TDG: variants seen among roughly 807,000 people sequenced by gnomAD.
TDG encodes G/T mismatch-specific thymine DNA glycosylase.
TDG carries 23 observed loss-of-function variants against 46.1 expected under a neutral mutation model. The observed-to-expected ratio is 0.50, with a 90% CI of 0.36 to 0.71. The LOEUF is 0.71. Among genes scored for constraint, TDG ranks in the 30% least tolerant of loss-of-function variants. The pLI is 0.00. For synonymous variants in TDG, 115 were observed against 161.3 expected (o/e 0.71, Z 2.18); for missense variants, 304 against 486.7 (o/e 0.62, Z 3.53).
intron 1 of TDG, chr12:103,967,831 GTT>G (rs67523981): frequency 2.5e-4 from 35 of 142,478 alleles, no homozygotes; most frequent in East Asian, 6.0e-4. Context: ...TTTTTTTTTT[GTT>G]TTTTTTTTTT....
intron 1 of TDG, among the ~76,000 whole-genome samples, chr12:103,976,624 A>G (rs1871557332): frequency 6.6e-6 from 1 of 152,176 alleles, no homozygotes; most frequent in Admixed American, 6.5e-5. Flanking sequence ...ACTCCCTCAA[A>G]TCTTATTTCA....
At position 103,988,613 on chromosome 12, in the gene TDG, T is replaced by C. The variant is rs1452769746; in HGVS notation, c.*1523T>C. Reference sequence around the variant, plus strand: ...GTATTGCTTTGGTATATAACTATTGTAGCTTTACAAGAGATTGTTTTATTT... The same window carrying C: ...GTATTGCTTTGGTATATAACTATTGCAGCTTTACAAGAGATTGTTTTATTT... On this transcript the variant is annotated 3_prime_UTR_variant, in exon 10 of 10. Transcript: ENST00000392872. 2 of 152,860 alleles carry C rather than the reference T, an allele frequency of 1.3e-5. No individual in the cohort carries two copies. The highest frequency in any genetic ancestry group is 2.1e-4 in the South Asian group (1 of 4,834). 9.5% of individuals were successfully genotyped at this position (152,860 alleles called of 1,614,324 possible).
chr12:103,977,167 A>G, intron 2 of TDG, 107 bp downstream of exon 2: 1 of 1,463,898 alleles, frequency 6.8e-7, no homozygotes, highest in South Asian at 1.4e-5. Context: ...AAAAAGTCAA[A>G]TCCACTTTTT....
chr12:103,978,375 CA>C (rs1251697678), intron 2 of TDG, among the ~76,000 whole-genome samples: 2 of 152,078 alleles, frequency 1.3e-5, no homozygotes, highest in African/African-American at 4.8e-5. Context: ...TAATAGGTTC[CA>C]GGGGTGGGAG....
chr12:103,975,462 G>C (rs1871489561), intron 1 of TDG, among the ~76,000 whole-genome samples: 1 of 152,196 alleles, frequency 6.6e-6, no homozygotes, highest in Admixed American at 6.5e-5. Context: ...GGAAGTCCAA[G>C]ATGGAGGGGC....
At chr12:103,973,332 G>T (rs1015951351) in intron 1 of TDG, among the ~76,000 whole-genome samples, 1 of 152,010 alleles carries the variant, frequency 6.6e-6, no homozygotes, top group African/African-American at 2.4e-5. Context: ...TGATCCGCCC[G>T]CCTTGACCTC....
chr12:103,966,202 G>C, intron 1 of TDG, 142 bp downstream of exon 1: 5 of 1,204,356 alleles, frequency 4.2e-6, no homozygotes, highest in Non-Finnish European at 5.5e-6. Context: ...CTGTGGCCTG[G>C]TCGGCCTTTC....
chr12:103,985,529 A>G (rs767718291), intron 8 of TDG, 74 bp from the exon 9 acceptor site: 2 of 1,491,130 alleles, frequency 1.3e-6, no homozygotes, highest in South Asian at 2.7e-5. Flanking sequence ...AGAATTGTTC[A>G]TGATTTCTGA....
Position 103,987,113 on chromosome 12 carries a change from T to C in TDG, c.*23T>C. The C allele has an allele frequency of 6.2e-7, 1 of 1,608,200 alleles. No homozygotes were observed. Among genetic ancestry groups the C allele is most frequent in the Non-Finnish European group, 8.5e-7 (1 of 1,175,946 alleles). On this transcript the variant is annotated 3_prime_UTR_variant, in exon 10 of 10. Coordinates refer to ENST00000392872, the MANE Select transcript of TDG (RefSeq NM_003211.6). ...TAAGAATGGTGCTTCTCAGCTCTGC[T>C]TAAATGCTGCAGTTTTAATGCAGTT... is the stretch of plus-strand genomic sequence containing the variant.
intron 8 of TDG, 64 bp downstream of exon 8, chr12:103,984,984 C>T (rs1354039701): frequency 9.5e-6 from 12 of 1,259,562 alleles, no homozygotes; most frequent in African/African-American, 6.1e-5. Context: ...TATATACTTA[C>T]ATATATATAC....
chr12:103,985,029 G>A, intron 8 of TDG, 109 bp downstream of exon 8: 3 of 859,700 alleles, frequency 3.5e-6, no homozygotes, highest in Non-Finnish European at 4.8e-6. Flanking sequence ...ATATACATAT[G>A]TGTGCACATA....
At position 103,979,886 on chromosome 12, in the gene TDG, G is replaced by A; in HGVS notation, c.222G>A (p.Val74=). The change falls in exon 3 of 10, where the codon GTG becomes GTA. Residue 74 remains valine (V), a synonymous_variant. Coordinates refer to ENST00000392872, the MANE Select transcript of TDG (RefSeq NM_003211.6). ...GAACAACAGAACCAAAACAACCAGT[G>A]GAACCCAAAAAACCTGTTGAGTCAA... ...KPRTTEPKQP[V]EPKKPVESKK... 1 of 1,605,552 alleles carries A rather than the reference G, an allele frequency of 6.2e-7. No homozygotes were observed. The highest frequency in any genetic ancestry group is 8.5e-7 in the Non-Finnish European group (1 of 1,178,170).
intron 1 of TDG, among the ~76,000 whole-genome samples, chr12:103,976,668 A>G (rs555485192): frequency 6.6e-6 from 1 of 152,314 alleles, no homozygotes; most frequent in South Asian, 2.1e-4. Context: ...AGGACTGATC[A>G]GTTTTATCAG....
chr12:103,970,829 T>C (rs1332423894), intron 1 of TDG, among the ~76,000 whole-genome samples: 3 of 152,116 alleles, frequency 2.0e-5, no homozygotes, highest in Non-Finnish European at 4.4e-5. Flanking sequence ...GCGTGGAGTG[T>C]GTGTATGTGT....
chr12:103,983,263 G>A, intron 6 of TDG, 32 bp from the exon 7 acceptor site: 2 of 1,569,368 alleles, frequency 1.3e-6, no homozygotes, highest in Non-Finnish European at 1.7e-6. Flanking sequence ...TAACATTATG[G>A]GCAATGTAAA....
At chr12:103,978,994 C>A (rs979871749) in intron 2 of TDG, among the ~76,000 whole-genome samples, 1 of 152,068 alleles carries the variant, frequency 6.6e-6, no homozygotes, top group Non-Finnish European at 1.5e-5. Context: ...TACTGCCAGC[C>A]CAGAGATGTC....
At chr12:103,986,896 A>G in intron 9 of TDG, 52 bp from the exon 10 acceptor site, 5 of 1,595,676 alleles carry the variant, frequency 3.1e-6, no homozygotes, top group Non-Finnish European at 4.3e-6. Context: ...ACTTTAAAAA[A>G]AGCAAATATT....
chr12:103,976,963 A>G lies in TDG; in HGVS notation c.69A>G (p.Gln23=). The G allele has an allele frequency of 6.2e-7, 1 of 1,614,016 alleles. No homozygotes were observed. Among genetic ancestry groups the G allele is most frequent in the South Asian group, 1.1e-5 (1 of 90,994 alleles). ...AAGCTTTTTATACGTTTCCATTTCA[A>G]CAACTGATGGCTGAAGCTCCTAATA... ...QAQAFYTFPF[Q]QLMAEAPNMA... is the part of the protein sequence containing the mutation. The change falls in exon 2 of 10, where the codon CAA becomes CAG. Residue 23 remains glutamine (Q), a synonymous_variant. Coordinates refer to ENST00000392872, the MANE Select transcript of TDG (RefSeq NM_003211.6).
intron 4 of TDG, 31 bp downstream of exon 4, chr12:103,980,993 T>G (rs1468362216): frequency 9.5e-6 from 15 of 1,571,738 alleles, no homozygotes; most frequent in African/African-American, 1.4e-5. Flanking sequence ...TTAATTTACT[T>G]TTAAATTAGG....
Sources: gnomAD v4.1 joint callset for allele counts (sites outside exome capture counted in the v4.1 genomes callset) on GRCh38, gnomAD v4.1.1 for gene constraint, MANE v1.5 for transcripts, NCBI Gene and HGNC (gene_info 2026-07-23, HGNC 2026-07-21) for gene names.